The following LRBA variants were observed in gnomAD, a reference collection of about 807,000 sequenced individuals.
The protein encoded by LRBA is LPS responsive beige-like anchor protein.
LRBA carries 176 observed loss-of-function variants against 330.0 expected under a neutral mutation model. The ratio of observed to expected loss-of-function variants is 0.53; its 90% CI spans 0.47 to 0.60. The LOEUF is 0.60. Ranked by LOEUF, LRBA falls within the 20% of genes least tolerant of loss-of-function variation. The pLI, the probability that LRBA is intolerant of heterozygous loss-of-function variation, is 0.00. For missense variants in LRBA, 3,259 were observed against 3,444.8 expected (o/e 0.95, Z 1.35); for synonymous variants, 1,230 against 1,193.0 (o/e 1.03, Z -0.64).
intron 40 of LRBA, chr4:150,581,202 C>T: frequency 3.3e-6 from 1 of 298,532 alleles, no homozygotes; most frequent in Non-Finnish European, 6.7e-6. Flanking sequence ...GTATTAAATA[C>T]ATGTGAATCT....
intron 2 of LRBA, among the ~76,000 whole-genome samples, chr4:150,977,362 C>T (rs1346962912): frequency 2.6e-5 from 4 of 152,116 alleles, no homozygotes; most frequent in Admixed American, 1.3e-4. Context: ...CATTCCAGGT[C>T]GTAGCTCGGG....
At chr4:150,364,730 T>C (rs974638079) in intron 47 of LRBA, among the ~76,000 whole-genome samples, 3 of 152,260 alleles carry the variant, frequency 2.0e-5, no homozygotes, top group Middle Eastern at 3.4e-3. Context: ...ACCAATACTT[T>C]CAACTTGTAT....
At chr4:150,518,869 G>C (rs1222701852) in intron 40 of LRBA, among the ~76,000 whole-genome samples, 2 of 152,062 alleles carry the variant, frequency 1.3e-5, no homozygotes, top group Non-Finnish European at 2.9e-5. Context: ...GTAACAACAA[G>C]AGTAGAATAC....
At chr4:150,727,598 A>C (rs557843524) in intron 36 of LRBA, among the ~76,000 whole-genome samples, 1 of 152,168 alleles carries the variant, frequency 6.6e-6, no homozygotes, top group Non-Finnish European at 1.5e-5. Flanking sequence ...AAATTAAACA[A>C]TATGTTCCTG....
At chr4:150,596,995 CAT>C (rs1223555193) in intron 38 of LRBA, 8 of 640,902 alleles carry the variant, frequency 1.2e-5, no homozygotes, top group Non-Finnish European at 2.2e-5. Context: ...GATTTTTAAA[CAT>C]ATATTTCAAA....
chr4:150,554,147 A>G (rs1347221591), intron 40 of LRBA, among the ~76,000 whole-genome samples: 1 of 152,212 alleles, frequency 6.6e-6, no homozygotes, highest in Non-Finnish European at 1.5e-5. Context: ...TCTCAGATAT[A>G]TAAGCAAGAG....
chr4:150,593,260 C>T (rs1773109830), intron 38 of LRBA, among the ~76,000 whole-genome samples: 1 of 151,960 alleles, frequency 6.6e-6, no homozygotes, highest in African/African-American at 2.4e-5. Context: ...ATTTATAATT[C>T]CTTCTTCAAA....
chr4:150,471,485 C>A, intron 43 of LRBA, 139 bp downstream of exon 43: 1 of 564,706 alleles, frequency 1.8e-6, no homozygotes, highest in Non-Finnish European at 3.1e-6. Flanking sequence ...ATACCTTATT[C>A]TCTTTGTATA....
At chr4:150,823,251 TTTAAGG>T (rs1253251654) in intron 30 of LRBA, among the ~76,000 whole-genome samples, 1 of 152,310 alleles carries the variant, frequency 6.6e-6, no homozygotes, top group Middle Eastern at 3.4e-3. Context: ...TTTAGCCCAT[TTTAAGG>T]TTATCATTTC....
At chr4:150,435,452 G>A in intron 46 of LRBA, 137 bp downstream of exon 46, 1 of 695,042 alleles carries the variant, frequency 1.4e-6, no homozygotes, top group East Asian at 2.7e-5. Flanking sequence ...TGTAATTCTT[G>A]GCCATTTAAT....
chr4:150,446,153 T>C (rs1196219548), intron 44 of LRBA, among the ~76,000 whole-genome samples: 7 of 152,116 alleles, frequency 4.6e-5, no homozygotes, highest in Non-Finnish European at 1.0e-4. Context: ...CTGGTGGTTA[T>C]CTGAGGCCAG....
chr4:150,551,193 G>A (rs1561337677), intron 40 of LRBA, among the ~76,000 whole-genome samples: 1 of 152,130 alleles, frequency 6.6e-6, no homozygotes, highest in Non-Finnish European at 1.5e-5. Flanking sequence ...CCAGGTACTG[G>A]CACCATGCTC....
chr4:150,630,031 AC>A (rs1333733472), intron 37 of LRBA, among the ~76,000 whole-genome samples: 2 of 151,886 alleles, frequency 1.3e-5, no homozygotes, highest in African/African-American at 4.8e-5. Flanking sequence ...TTGTAATTCC[AC>A]CCCCATCATG....
intron 35 of LRBA, among the ~76,000 whole-genome samples, chr4:150,736,119 A>T (rs1288127608): frequency 6.6e-6 from 1 of 152,224 alleles, no homozygotes; most frequent in Non-Finnish European, 1.5e-5. Flanking sequence ...AAACTCTCAC[A>T]AGAACTTAAA....
In LRBA at chr4:150,508,246, G is replaced by T. The variant is rs1027094609; in HGVS notation, c.6331-17211C>A. Among the ~76,000 whole-genome samples, 9 of 138,102 alleles carry T rather than the reference G, an allele frequency of 6.5e-5. No individual in the cohort carries two copies. The East Asian group carries it at 9.5e-4, about 15-fold the overall frequency. The allele number at this position is 138,102 out of a possible 152,430, so 90.6% of individuals were successfully genotyped here. On this transcript the variant is annotated intron_variant, in intron 40 of 56. Coordinates refer to ENST00000651943, the MANE Select transcript of LRBA (RefSeq NM_001364905.1). Reference sequence around the variant, plus strand: ...TAATAAAATTTAAAAAAAAAGGGGGGGGGGGGGAGAAAAAGACATCACATG... The same window carrying T: ...TAATAAAATTTAAAAAAAAAGGGGGTGGGGGGGAGAAAAAGACATCACATG...
At chr4:150,402,214 A>G (rs903659437) in intron 47 of LRBA, among the ~76,000 whole-genome samples, 1 of 152,050 alleles carries the variant, frequency 6.6e-6, no homozygotes, top group Non-Finnish European at 1.5e-5. Flanking sequence ...AAATACAAAA[A>G]AAGAACTTAT....
chr4:150,838,324 T>A (rs1748488710), intron 28 of LRBA, among the ~76,000 whole-genome samples: 1 of 152,146 alleles, frequency 6.6e-6, no homozygotes, highest in Non-Finnish European at 1.5e-5. Context: ...TTTCCTTAAT[T>A]TGAATGTTGG....
At chr4:150,435,774 T>G (rs1751031973) in intron 45 of LRBA, 66 bp from the exon 46 acceptor site, 4 of 1,329,208 alleles carry the variant, frequency 3.0e-6, no homozygotes, top group Non-Finnish European at 4.2e-6. Context: ...TTTTATAAAT[T>G]CTTAGAACTA....
intron 23 of LRBA, 131 bp from the exon 24 acceptor site, chr4:150,851,033 A>T: frequency 1.7e-6 from 1 of 580,940 alleles, no homozygotes; most frequent in Non-Finnish European, 2.9e-6. Flanking sequence ...ACCAAATTAG[A>T]GAAAGAAAAA....
Sources: gnomAD v4.1 joint callset for allele counts (sites outside exome capture counted in the v4.1 genomes callset) on GRCh38, gnomAD v4.1.1 for gene constraint, MANE v1.5 for transcripts, NCBI Gene and HGNC (gene_info 2026-07-23, HGNC 2026-07-21) for gene names.